Variants in MED25 observed in about 807,000 individuals in gnomAD.
MED25 encodes the protein mediator of RNA polymerase II transcription subunit 25.
In MED25, 62 loss-of-function variants were observed where a neutral mutation model predicts 89.4. The observed-to-expected ratio is 0.69, with a 90% CI of 0.57 to 0.86. MED25 has a LOEUF of 0.86. MED25 is among the 40% of genes least tolerant of loss of function. MED25 has a pLI of 0.00. For missense variants in MED25, 905 were observed against 1,005.2 expected (o/e 0.90, Z 1.35); for synonymous variants, 449 against 427.9 (o/e 1.05, Z -0.61).
chr19:49,826,558 G>A (rs1260942717), intron 3 of MED25, among the ~76,000 whole-genome samples: 2 of 152,242 alleles, frequency 1.3e-5, no homozygotes. Context: ...AGTGCACTGA[G>A]TACTCAGCAG....
At chr19:49,818,512 C>T (rs757279735) in intron 1 of MED25, 37 bp downstream of exon 1, 1 of 1,614,230 alleles carries the variant, frequency 6.2e-7, no homozygotes, top group South Asian at 1.1e-5. Context: ...CCCGCCCTCC[C>T]ACTTCAGTTT....
chr19:49,819,677 C>T, intron 3 of MED25: 2 of 351,642 alleles, frequency 5.7e-6, no homozygotes, highest in East Asian at 1.5e-4. Context: ...GCTCCAGCAG[C>T]CACCTTGTAC....
In MED25 at chr19:49,831,309, G is replaced by A. The variant is rs747667270; in HGVS notation, c.1102-24G>A. On this transcript the variant is annotated intron_variant, in intron 9 of 17. Coordinates refer to ENST00000312865, the MANE Select transcript of MED25 (RefSeq NM_030973.4). This position sits in a 1 kb window ranked among gnomAD's most constrained non-coding sequence, Gnocchi z 5.0. The stretch of plus-strand genomic sequence containing the variant: ...GCTCCCGGCCTTCCCCATTCTCATG[G>A]CCCTCCTTCCTCCCCTCTGGCAGGC... The A allele has an allele frequency of 1.9e-6, 3 of 1,606,330 alleles. No individual in the cohort carries two copies. The highest frequency in any genetic ancestry group is 2.7e-5 in the African/African-American group (2 of 74,846).
Position 49,834,764 on chromosome 19 carries a change from C to T in MED25, c.1483-222C>T, listed in dbSNP as rs78029172. The T allele has an allele frequency of 3.4e-6, 2 of 589,552 alleles. No homozygotes were observed. The highest frequency in any genetic ancestry group is 1.9e-5 in the African/African-American group (1 of 53,764). The allele number at this position is 589,552 out of a possible 1,614,324, so 36.5% of individuals were successfully genotyped here. ...AGAGCTGGGCTCCAGCACTTTCTCTCCGCTTTCCCTCTCAGTGGGCAGCTG... is the reference window on the plus strand; with the variant it reads ...AGAGCTGGGCTCCAGCACTTTCTCTTCGCTTTCCCTCTCAGTGGGCAGCTG... On this transcript the variant is annotated intron_variant, in intron 13 of 17. Transcript: ENST00000312865. This position sits in a 1 kb window ranked among gnomAD's most constrained non-coding sequence, Gnocchi z 4.1.
rs2073963528 is a variant in MED25, at chr19:49,819,170, A to G, written c.181-2A>G. Reference sequence around the variant, plus strand: ...TAAAAGTTTTCTGTCCTCCCCTCCCAGTATGGGGGGACCCAGTACAGCCTC... The same window carrying G: ...TAAAAGTTTTCTGTCCTCCCCTCCCGGTATGGGGGGACCCAGTACAGCCTC... On this transcript the variant is annotated splice_acceptor_variant, in intron 2 of 17. Transcript: ENST00000312865. LOFTEE classifies it high-confidence loss of function. 1.2e-6 allele frequency: 2 copies of G among 1,614,200 alleles called. No homozygotes were observed. Among genetic ancestry groups the G allele is most frequent in the African/African-American group, 1.3e-5 (1 of 75,064 alleles).
intron 4 of MED25, 103 bp from the exon 5 acceptor site, chr19:49,828,867 T>G: frequency 6.4e-7 from 1 of 1,565,668 alleles, no homozygotes; most frequent in African/African-American, 1.4e-5. Flanking sequence ...TGCTTCTGAT[T>G]CCATGTGAGG....
chr19:49,834,532 G>C lies in MED25; in HGVS notation c.1483-454G>C, dbSNP rs1284170658. 4.0e-6 allele frequency: 1 copy of C among 251,980 alleles called. No homozygotes were observed. The highest frequency in any genetic ancestry group is 9.5e-5 in the East Asian group (1 of 10,478). The allele number at this position is 251,980 out of a possible 1,614,324, so 15.6% of individuals were successfully genotyped here. A position where few individuals can be genotyped will look rare whatever the true frequency, so the allele number is the denominator to read the frequency against. On this transcript the variant is annotated intron_variant, in intron 13 of 17. Coordinates refer to ENST00000312865, the MANE Select transcript of MED25 (RefSeq NM_030973.4). The surrounding 1 kb of genome is among the most constrained non-coding windows in gnomAD (Gnocchi z 4.1). ...CCTGTGATGTGGGAGCACTCCCCGT[G>C]GTGTACACTGGCCGGTGCTGAGGGC...
At chr19:49,824,588 A>G (rs1640513) in intron 3 of MED25, among the ~76,000 whole-genome samples, 73,662 of 139,638 alleles carry the variant, frequency 0.53, 18,556 homozygotes, top group Middle Eastern at 0.58. Flanking sequence ...CTGTCTCGGG[A>G]AAAAAAAAAA....
intron 13 of MED25, 31 bp downstream of exon 13, chr19:49,832,446 G>T (rs2074065323): frequency 8.0e-7 from 1 of 1,255,292 alleles, no homozygotes; most frequent in Non-Finnish European, 1.2e-6. Context: ...GCCGAGGGGT[G>T]TTGACTCTTG....
chr19:49,818,894 C>T lies in MED25; in HGVS notation c.180+278C>T, dbSNP rs916841013. 7.1e-6 allele frequency: 4 copies of T among 563,238 alleles called. No homozygotes were observed. In the African/African-American group the frequency reaches 8.1e-5, roughly 11 times the overall value. The allele number at this position is 563,238 out of a possible 1,614,324, so 34.9% of individuals were successfully genotyped here. On this transcript the variant is annotated intron_variant, in intron 2 of 17. Transcript: ENST00000312865. ...GAGGAAGGGCTGGGCGTCTGGACTG[C>T]TGGGTCTGAGAAAGGAGGAGCTGAG...
At chr19:49,818,522 T>C in intron 1 of MED25, 47 bp downstream of exon 1, 1 of 1,614,228 alleles carries the variant, frequency 6.2e-7, no homozygotes, top group Non-Finnish European at 8.5e-7. Flanking sequence ...CACTTCAGTT[T>C]CGCACAGTTT....
At chr19:49,827,157 C>T (rs1037244493) in intron 3 of MED25, among the ~76,000 whole-genome samples, 4 of 152,292 alleles carry the variant, frequency 2.6e-5, no homozygotes, top group African/African-American at 7.2e-5. Context: ...TCTCCACACA[C>T]GTCCCCTGCA....
Position 49,829,067 on chromosome 19 carries a change from A to G in MED25, c.502A>G (p.Asn168Asp). 1 of 1,613,788 alleles carries G rather than the reference A, an allele frequency of 6.2e-7. No individual in the cohort carries two copies. Among genetic ancestry groups the G allele is most frequent in the Non-Finnish European group, 8.5e-7 (1 of 1,179,890 alleles). ...CACGTACTCTGGATGCACAACTGAG[A>G]ATCTTGTGCAGCAGATTGGGGAGGT... is the stretch of plus-strand genomic sequence containing the variant. ...STTYSGCTTE[N>D]LVQQIGERGI... The change falls in exon 5 of 18, where the codon AAT (asparagine) becomes GAT (aspartate). Residue 168 changes from asparagine to aspartate, a missense_variant. Asn to Asp is a conservative substitution (Grantham distance 23). Coordinates refer to ENST00000312865, the MANE Select transcript of MED25 (RefSeq NM_030973.4). The surrounding 1 kb of genome is among the most constrained non-coding windows in gnomAD (Gnocchi z 4.6).
chr19:49,828,251 A>G (rs1225064409), intron 3 of MED25, among the ~76,000 whole-genome samples, 198 bp from the exon 4 acceptor site: 1 of 151,092 alleles, frequency 6.6e-6, no homozygotes, highest in Non-Finnish European at 1.5e-5. Context: ...AAACACAGAC[A>G]GCAAATGTCC....
intron 3 of MED25, among the ~76,000 whole-genome samples, chr19:49,820,969 T>C (rs559040765): frequency 1.3e-5 from 2 of 152,370 alleles, no homozygotes; most frequent in South Asian, 4.1e-4. Flanking sequence ...TATTCTTAGC[T>C]GTATAATAGA....
chr19:49,832,919 G>T (rs1223326775), intron 13 of MED25: 7 of 217,286 alleles, frequency 3.2e-5, no homozygotes, highest in Non-Finnish European at 5.6e-5. Context: ...CCATCCCGCA[G>T]CTGTCTTCCC....
chr19:49,832,557 C>T (rs1480668076), intron 13 of MED25, 142 bp downstream of exon 13: 3 of 682,030 alleles, frequency 4.4e-6, no homozygotes, highest in Non-Finnish European at 8.0e-6. Flanking sequence ...GGTTCCTCGC[C>T]TTTCTTCTAG....
chr19:49,835,780 G>C lies in MED25; in HGVS notation c.1800G>C (p.Gly600=). 6.2e-7 allele frequency: 1 copy of C among 1,608,866 alleles called. No individual in the cohort carries two copies. Among genetic ancestry groups the C allele is most frequent in the South Asian group, 1.1e-5 (1 of 90,822 alleles). ...PQPQGTVGAS[G]ATGQPQPQGT... Reference sequence around the variant, plus strand: ...CTCAGGGTACCGTAGGGGCCTCTGGGGCCACGGGGCAGCCCCAGCCCCAAG... The same window carrying C: ...CTCAGGGTACCGTAGGGGCCTCTGGCGCCACGGGGCAGCCCCAGCCCCAAG... The change falls in exon 16 of 18, where the codon GGG becomes GGC. Residue 600 remains glycine (G), a synonymous_variant. Transcript: ENST00000312865. This position sits in a 1 kb window ranked among gnomAD's most constrained non-coding sequence, Gnocchi z 6.2.
chr19:49,826,339 C>G (rs2123872843), intron 3 of MED25, among the ~76,000 whole-genome samples: 1 of 152,304 alleles, frequency 6.6e-6, no homozygotes, highest in African/African-American at 2.4e-5. Flanking sequence ...GACTCCGTCT[C>G]AAAAACAAAA....
Sources: allele counts gnomAD v4.1 joint callset (sites outside exome capture counted in the v4.1 genomes callset), GRCh38; gene constraint gnomAD v4.1.1; non-coding constraint Gnocchi (gnomAD v3.1); transcripts MANE v1.5; gene names NCBI Gene and HGNC (gene_info 2026-07-23, HGNC 2026-07-21).